ZNF704: variants seen among roughly 807,000 people sequenced by gnomAD.
ZNF704 encodes the protein glucocorticoid induced gene 1.
A neutral mutation model predicts 44.7 loss-of-function variants in ZNF704; 10 were observed. The observed-to-expected ratio is 0.22, with a 90% confidence interval of 0.14 to 0.38. ZNF704 has a LOEUF of 0.38. Ranked by LOEUF, ZNF704 falls within the 10% of genes least tolerant of loss-of-function variation. ZNF704 has a pLI of 1.00. For synonymous variants in ZNF704, 211 were observed against 207.6 expected (o/e 1.02, Z -0.14); for missense variants, 390 against 545.5 (o/e 0.71, Z 2.84).
intron 2 of ZNF704, among the ~76,000 whole-genome samples, chr8:80,741,117 A>T (rs893218515): frequency 2.6e-5 from 4 of 152,246 alleles, no homozygotes; most frequent in Non-Finnish European, 5.9e-5. Context: ...AGCAACTAAG[A>T]GGGCTCCTTG....
At chr8:80,782,925 G>A (rs182884319) in intron 2 of ZNF704, among the ~76,000 whole-genome samples, 23 of 152,166 alleles carry the variant, frequency 1.5e-4, no homozygotes, top group Non-Finnish European at 2.5e-4. Flanking sequence ...ATGGAGTGCC[G>A]ACTGCACTTA....
At position 80,852,472 on chromosome 8, in the gene ZNF704, G is replaced by A. The variant is rs1332465720; in HGVS notation, c.-22+22099C>T. 2.0e-5 allele frequency among the ~76,000 whole-genome samples: 3 copies of A among 152,128 alleles called. No individual in the cohort carries two copies. The South Asian group carries it at 6.2e-4, about 32-fold the overall frequency. ...TAGTTGCTTTCTTGCCTATTGAACA[G>A]AATGAACTTTTCTTGATGGCACAAA... On this transcript the variant is annotated intron_variant, in intron 1 of 8. Transcript: ENST00000327835.
At chr8:80,753,040 G>GT (rs1554578778) in intron 2 of ZNF704, among the ~76,000 whole-genome samples, 1 of 152,110 alleles carries the variant, frequency 6.6e-6, no homozygotes, top group Non-Finnish European at 1.5e-5. Context: ...GCAAAGCGAT[G>GT]TTTTTTTATA....
intron 4 of ZNF704, among the ~76,000 whole-genome samples, chr8:80,677,561 C>T (rs1458389254): frequency 6.6e-6 from 1 of 152,194 alleles, no homozygotes; most frequent in East Asian, 1.9e-4. Context: ...ACACACCTTC[C>T]TTGAACCCCT....
intron 6 of ZNF704, among the ~76,000 whole-genome samples, chr8:80,660,080 A>C (rs1818075100): frequency 6.6e-6 from 1 of 152,234 alleles, no homozygotes; most frequent in African/African-American, 2.4e-5. Context: ...GACAATACAT[A>C]TAAAAATTCT....
Position 80,641,266 on chromosome 8 carries a change from A to C in ZNF704, c.*100T>G. On this transcript the variant is annotated 3_prime_UTR_variant, in exon 9 of 9. Coordinates refer to ENST00000327835, the MANE Select transcript of ZNF704 (RefSeq NM_001033723.3). Reference sequence around the variant, plus strand: ...CCTGAAAGGGCTTTTCCTGGCTTCAACTGTGTTTTATTCAGTAGGAAAAGC... The same window carrying C: ...CCTGAAAGGGCTTTTCCTGGCTTCACCTGTGTTTTATTCAGTAGGAAAAGC... 1 of 702,080 alleles carries C rather than the reference A, an allele frequency of 1.4e-6. No individual in the cohort carries two copies. The highest frequency in any genetic ancestry group is 2.2e-6 in the Non-Finnish European group (1 of 445,250). 43.5% of individuals were successfully genotyped at this position (702,080 alleles called of 1,614,324 possible).
At chr8:80,774,744 TC>T in intron 2 of ZNF704, among the ~76,000 whole-genome samples, 1 of 152,304 alleles carries the variant, frequency 6.6e-6, no homozygotes, top group Non-Finnish European at 1.5e-5. Flanking sequence ...CACATTTCCT[TC>T]TGTGGTGTTC....
chr8:80,829,744 T>C (rs565020665), intron 1 of ZNF704, among the ~76,000 whole-genome samples: 1 of 152,338 alleles, frequency 6.6e-6, no homozygotes, highest in African/African-American at 2.4e-5. Flanking sequence ...AAGCAAGCTA[T>C]AAATCTTCTA....
chr8:80,733,538 C>T (rs1585988761), intron 2 of ZNF704, among the ~76,000 whole-genome samples: 4 of 152,216 alleles, frequency 2.6e-5, no homozygotes, highest in Admixed American at 2.0e-4. Flanking sequence ...GGCCAATCTA[C>T]TTCACTCTTA....
intron 1 of ZNF704, among the ~76,000 whole-genome samples, chr8:80,862,619 G>C (rs1157089795): frequency 8.3e-6 from 1 of 120,322 alleles, no homozygotes. Context: ...AAAAAAATTA[G>C]TCAAATACGG....
chr8:80,646,435 C>T (rs891085264), intron 7 of ZNF704, among the ~76,000 whole-genome samples: 38 of 150,058 alleles, frequency 2.5e-4, no homozygotes, highest in East Asian at 1.4e-3. Context: ...GAGATTGTGC[C>T]GTTGCACTCT....
intron 4 of ZNF704, among the ~76,000 whole-genome samples, chr8:80,676,543 A>C (rs73691972): frequency 0.11 from 17,177 of 152,156 alleles, 3,266 homozygotes; most frequent in African/African-American, 0.39. Flanking sequence ...GAAAAAAAGG[A>C]ATTCCTGTAT....
intron 2 of ZNF704, among the ~76,000 whole-genome samples, chr8:80,782,115 C>T (rs902377685): frequency 1.9e-4 from 29 of 152,194 alleles, no homozygotes; most frequent in African/African-American, 7.0e-4. Flanking sequence ...CTGCTGTCTT[C>T]TCTCAGTACC....
chr8:80,757,326 G>T (rs1423259919), intron 2 of ZNF704, among the ~76,000 whole-genome samples: 1 of 151,934 alleles, frequency 6.6e-6, no homozygotes, highest in African/African-American at 2.4e-5. Flanking sequence ...CAGCAAAAAG[G>T]TTTAAAATGT....
At chr8:80,816,632 C>A (rs1181220726) in intron 2 of ZNF704, among the ~76,000 whole-genome samples, 1 of 152,180 alleles carries the variant, frequency 6.6e-6, no homozygotes, top group Non-Finnish European at 1.5e-5. Context: ...AGCATCGACA[C>A]TTTTAGTACT....
At chr8:80,680,206 TG>T (rs1554572226) in intron 4 of ZNF704, among the ~76,000 whole-genome samples, 4 of 152,184 alleles carry the variant, frequency 2.6e-5, no homozygotes, top group Non-Finnish European at 5.9e-5. Flanking sequence ...TGAAGAATTA[TG>T]TAACATTTTT....
intron 2 of ZNF704, among the ~76,000 whole-genome samples, chr8:80,799,158 T>A (rs1027591124): frequency 1.3e-5 from 2 of 152,242 alleles, no homozygotes; most frequent in Non-Finnish European, 2.9e-5. Flanking sequence ...AGTTTCAACA[T>A]GAATTTTGAA....
rs115914004 is a variant in ZNF704 at position 80,791,953 on chromosome 8, G to A, written c.221+29421C>T. 7.1e-3 allele frequency among the ~76,000 whole-genome samples: 1,078 copies of A among 152,318 alleles called. 9 individuals carry two copies. Among genetic ancestry groups the A allele is most frequent in the African/African-American group, 0.024 (989 of 41,584 alleles). On this transcript the variant is annotated intron_variant, in intron 2 of 8. Coordinates refer to ENST00000327835, the MANE Select transcript of ZNF704 (RefSeq NM_001033723.3). ...GGGAATCAGCTCACAATGGGTGCCT[G>A]ACTCTTGAGAGCAGGTGAGCTCAGT...
chr8:80,649,120 A>C (rs1817875613), intron 7 of ZNF704, among the ~76,000 whole-genome samples: 1 of 152,198 alleles, frequency 6.6e-6, no homozygotes, highest in African/African-American at 2.4e-5. Flanking sequence ...TAGCTAAATA[A>C]AATTATTGGG....
Sources: allele counts gnomAD v4.1 joint callset (sites outside exome capture counted in the v4.1 genomes callset), GRCh38; gene constraint gnomAD v4.1.1; transcripts MANE v1.5; gene names NCBI Gene and HGNC (gene_info 2026-07-23, HGNC 2026-07-21).